L3MBTL4: variants seen among roughly 807,000 people sequenced by gnomAD.
The protein encoded by L3MBTL4 is lethal(3)malignant brain tumor-like protein 4.
L3MBTL4 carries 70 observed loss-of-function variants against 84.5 expected under a neutral mutation model. That is an observed-to-expected ratio of 0.83 (90% confidence interval 0.68 to 1.01). L3MBTL4 has a LOEUF of 1.01. L3MBTL4 is among the 50% of genes least tolerant of loss of function. L3MBTL4 has a pLI of 0.00. For synonymous variants in L3MBTL4, 274 were observed against 259.8 expected (o/e 1.05, Z -0.52); for missense variants, 715 against 754.8 (o/e 0.95, Z 0.62).
intron 14 of L3MBTL4, among the ~76,000 whole-genome samples, chr18:6,102,632 G>A (rs1055181002): frequency 1.3e-5 from 2 of 152,298 alleles, no homozygotes; most frequent in Non-Finnish European, 2.9e-5. Context: ...GTATGGTTGT[G>A]AAAATATTCA....
chr18:6,001,531 T>C (rs1266072286), intron 16 of L3MBTL4, among the ~76,000 whole-genome samples: 1 of 152,048 alleles, frequency 6.6e-6, no homozygotes, highest in Non-Finnish European at 1.5e-5. Flanking sequence ...ATCTGATTAA[T>C]AGAGATACTA....
intron 4 of L3MBTL4, among the ~76,000 whole-genome samples, chr18:6,280,545 T>C (rs1039637995): frequency 8.5e-5 from 13 of 152,178 alleles, no homozygotes; most frequent in Non-Finnish European, 1.6e-4. Flanking sequence ...AAACCTAAAG[T>C]GATTGTTCTG....
chr18:6,124,268 T>C (rs1398682693), intron 14 of L3MBTL4, among the ~76,000 whole-genome samples: 1 of 151,834 alleles, frequency 6.6e-6, no homozygotes, highest in Non-Finnish European at 1.5e-5. Flanking sequence ...AGAATATATC[T>C]GGAATAGAAA....
chr18:6,119,076 T>C (rs988488543), intron 14 of L3MBTL4, among the ~76,000 whole-genome samples: 6 of 147,302 alleles, frequency 4.1e-5, no homozygotes, highest in African/African-American at 1.5e-4. Flanking sequence ...AGTCCACCTC[T>C]GCTGGGTGGC....
chr18:6,171,849 G>T lies in L3MBTL4; in HGVS notation c.1075C>A (p.His359Asn). The T allele has an allele frequency of 6.5e-7, 1 of 1,548,770 alleles. No homozygotes were observed. Among genetic ancestry groups the T allele is most frequent in the South Asian group, 1.2e-5 (1 of 83,774 alleles). The change falls in exon 13 of 19, where the codon CAT becomes AAT. Residue 359 changes from histidine (H) to asparagine (N), a missense_variant. Transcript: ENST00000317931. ...HPIGWCDVTG[H>N]PLEVPQRTND... ...TCACGCTGTGGCACTTCCAGTGGAT[G>T]CCCTGTGACATCACACCATCCGATC...
At chr18:6,310,353 G>A (rs2050772593) in intron 3 of L3MBTL4, among the ~76,000 whole-genome samples, 1 of 152,188 alleles carries the variant, frequency 6.6e-6, no homozygotes, top group Non-Finnish European at 1.5e-5. Context: ...CTGGACCCAG[G>A]GAACTGGCCC....
chr18:6,222,241 C>A (rs977852610), intron 10 of L3MBTL4, among the ~76,000 whole-genome samples: 2 of 152,132 alleles, frequency 1.3e-5, no homozygotes, highest in Non-Finnish European at 2.9e-5. Flanking sequence ...AGATTTTTTA[C>A]TTGATCATTA....
chr18:5,986,357 G>T (rs28398403), intron 16 of L3MBTL4, among the ~76,000 whole-genome samples: 24,091 of 152,096 alleles, frequency 0.16, 3,073 homozygotes, highest in African/African-American at 0.35. Context: ...ATATGAGGTG[G>T]GAATCAAACC....
chr18:6,291,321 C>T (rs2049855728), intron 4 of L3MBTL4, among the ~76,000 whole-genome samples: 1 of 152,098 alleles, frequency 6.6e-6, no homozygotes, highest in African/African-American at 2.4e-5. Context: ...ACTGCTGATC[C>T]CTTTAGTAGA....
intron 14 of L3MBTL4, among the ~76,000 whole-genome samples, chr18:6,126,070 CA>C (rs1048759430): frequency 2.6e-5 from 4 of 151,288 alleles, no homozygotes; most frequent in South Asian, 4.2e-4. Context: ...GGACAAATGA[CA>C]AAAAAAATCT....
intron 4 of L3MBTL4, among the ~76,000 whole-genome samples, chr18:6,274,308 T>C (rs751810114): frequency 6.6e-6 from 1 of 152,298 alleles, no homozygotes; most frequent in Non-Finnish European, 1.5e-5. Context: ...CCACAAGCCC[T>C]CCAGGTGATT....
At position 6,090,641 on chromosome 18, in the gene L3MBTL4, T is replaced by G. The variant is rs2058420257; in HGVS notation, c.1373+2714A>C. On this transcript the variant is annotated intron_variant, in intron 15 of 18. Coordinates refer to ENST00000317931, the MANE Select transcript of L3MBTL4 (RefSeq NM_001330559.2). ...ACACACACATATATTTCTTTTTTTT[T>G]TTTTGAGACAGGGTCTCACTCTGTC... 2.0e-5 allele frequency among the ~76,000 whole-genome samples: 3 copies of G among 151,098 alleles called. No homozygotes were observed. In the South Asian group the frequency reaches 6.3e-4, roughly 32 times the overall value.
chr18:6,386,997 T>C lies in L3MBTL4; in HGVS notation c.-91+27804A>G, dbSNP rs1378819764. On this transcript the variant is annotated intron_variant, in intron 1 of 18. Coordinates refer to ENST00000317931, the MANE Select transcript of L3MBTL4 (RefSeq NM_001330559.2). The stretch of plus-strand genomic sequence containing the variant: ...GAGAGGATGGTGGCTTGGGGGTAGA[T>C]GGCAGCATTAGAGTGCAGGAGAATG... Among the ~76,000 whole-genome samples the C allele has an allele frequency of 2.6e-5, 4 of 152,262 alleles. No homozygotes were observed. The East Asian group carries it at 7.7e-4, about 29-fold the overall frequency.
At chr18:6,003,950 C>T (rs1234893542) in intron 16 of L3MBTL4, among the ~76,000 whole-genome samples, 1 of 151,936 alleles carries the variant, frequency 6.6e-6, no homozygotes. Flanking sequence ...AACAACCTGA[C>T]TTTATACCTG....
At chr18:6,208,241 T>C (rs1172808250) in intron 12 of L3MBTL4, among the ~76,000 whole-genome samples, 1 of 152,240 alleles carries the variant, frequency 6.6e-6, no homozygotes, top group Non-Finnish European at 1.5e-5. Context: ...CACTAACTCA[T>C]ATCTGGACTT....
intron 16 of L3MBTL4, chr18:6,025,043 C>G (rs571014444): frequency 6.6e-6 from 1 of 152,292 alleles, no homozygotes; most frequent in Non-Finnish European, 1.5e-5. Context: ...AGCACCTCCT[C>G]TCAGCACCTC....
intron 14 of L3MBTL4, among the ~76,000 whole-genome samples, chr18:6,113,885 G>C (rs2059273901): frequency 6.6e-6 from 1 of 152,182 alleles, no homozygotes; most frequent in East Asian, 1.9e-4. Flanking sequence ...GAATTGTCCT[G>C]CATCTGGAAT....
At chr18:6,295,350 A>ATATATATATAT (rs2146755703) in intron 4 of L3MBTL4, among the ~76,000 whole-genome samples, 1 of 92,578 alleles carries the variant, frequency 1.1e-5, no homozygotes, top group African/African-American at 4.8e-5. Context: ...CTCTCTCTAT[A>ATATATATATAT]TATATATATA....
intron 5 of L3MBTL4, among the ~76,000 whole-genome samples, chr18:6,245,829 G>A (rs1367271020): frequency 6.6e-6 from 1 of 152,046 alleles, no homozygotes; most frequent in Non-Finnish European, 1.5e-5. Context: ...GACCTCAAAT[G>A]ATCCACCCTC....
Sources: allele counts gnomAD v4.1 joint callset (sites outside exome capture counted in the v4.1 genomes callset), GRCh38; gene constraint gnomAD v4.1.1; transcripts MANE v1.5; gene names NCBI Gene and HGNC (gene_info 2026-07-23, HGNC 2026-07-21).